Variants in C10orf53 observed in about 807,000 individuals in gnomAD.
C10orf53 encodes the protein UPF0728 protein C10orf53.
In C10orf53, 8 loss-of-function variants were observed where a neutral mutation model predicts 9.4. The ratio of observed to expected loss-of-function variants is 0.85; its 90% CI spans 0.50 to 1.53. C10orf53 has a LOEUF of 1.53. Ranked by LOEUF, C10orf53 falls within the 40% of genes most tolerant of loss-of-function variation. The pLI is 0.00. For missense variants in C10orf53, 117 were observed against 117.8 expected (o/e 0.99, Z 0.03); for synonymous variants, 48 against 46.0 (o/e 1.04, Z -0.18).
At chr10:49,689,771 A>G (rs374949598) in intron 1 of C10orf53, among the ~76,000 whole-genome samples, 9 of 152,340 alleles carry the variant, frequency 5.9e-5, no homozygotes, top group Middle Eastern at 3.4e-3. Flanking sequence ...CCATGGTCTT[A>G]CTGCCACTGA....
At position 49,695,060 on chromosome 10, in the gene C10orf53, A is replaced by G. The variant is rs1378403629; in HGVS notation, c.*458A>G. On this transcript the variant is annotated 3_prime_UTR_variant, in exon 3 of 3. Transcript: ENST00000374111. ...AAGTCTGAACCAAAAGCAAATGTTA[A>G]TATTTGGAAACCTTGCTATTCCTAC... 3.3e-6 allele frequency: 2 copies of G among 600,224 alleles called. No homozygotes were observed. Among genetic ancestry groups the G allele is most frequent in the Non-Finnish European group, 4.2e-6 (2 of 477,954 alleles). 37.2% of individuals were successfully genotyped at this position (600,224 alleles called of 1,614,324 possible). A position where few individuals can be genotyped will look rare whatever the true frequency, so the allele number is the denominator to read the frequency against.
chr10:49,704,730 C>A (rs1271099), intron 2 of C10orf53, among the ~76,000 whole-genome samples: 1 of 151,902 alleles, frequency 6.6e-6, no homozygotes, highest in Non-Finnish European at 1.5e-5. Context: ...GGTGGCAGAG[C>A]GAGACTCTGT....
At chr10:49,687,026 T>C (rs1840535570) in intron 1 of C10orf53, among the ~76,000 whole-genome samples, 1 of 152,250 alleles carries the variant, frequency 6.6e-6, no homozygotes, top group African/African-American at 2.4e-5. Context: ...AAAGCTTTCC[T>C]ACCATTTTAA....
At chr10:49,682,186 A>G (rs1191189084) in intron 1 of C10orf53, among the ~76,000 whole-genome samples, 1 of 152,208 alleles carries the variant, frequency 6.6e-6, no homozygotes, top group Admixed American at 6.5e-5. Context: ...TGGAACCATC[A>G]CTATTCTCTC....
chr10:49,702,381 C>T (rs1840691012), downstream of C10orf53, among the ~76,000 whole-genome samples: 2 of 152,106 alleles, frequency 1.3e-5, no homozygotes, highest in Admixed American at 1.3e-4. Context: ...ATATTTCTGG[C>T]TGAGATTACC....
At chr10:49,706,393 G>A (rs1160302274) in intron 2 of C10orf53, among the ~76,000 whole-genome samples, 1 of 152,168 alleles carries the variant, frequency 6.6e-6, no homozygotes, top group Admixed American at 6.5e-5. Context: ...ATAGAATATT[G>A]TTCCACCATA....
downstream of C10orf53, among the ~76,000 whole-genome samples, chr10:49,702,311 G>A (rs1301406253): frequency 6.6e-6 from 1 of 152,108 alleles, no homozygotes; most frequent in Admixed American, 6.5e-5. Context: ...GTATCCAGTT[G>A]ACTGGGCCAT....
In C10orf53 at chr10:49,696,447, G is replaced by A. The variant is rs1564507341; in HGVS notation, c.*1845G>A. 6.6e-6 allele frequency among the ~76,000 whole-genome samples: 1 copy of A among 152,132 alleles called. No individual in the cohort carries two copies. The highest frequency in any genetic ancestry group is 2.4e-5 in the African/African-American group (1 of 41,416). On this transcript the variant is annotated 3_prime_UTR_variant, in exon 3 of 3. Coordinates refer to ENST00000374111, the MANE Select transcript of C10orf53 (RefSeq NM_001042427.3). The stretch of plus-strand genomic sequence containing the variant: ...TGTCTCCTCTAGCCCTGCAACCCCG[G>A]CATTAAACTGGTAACAAGTGCTTCC...
At chr10:49,708,788 G>A (rs6537550) in exon 3 of C10orf53, 384,293 of 846,330 alleles carry the variant, frequency 0.45, 90,951 homozygotes, top group Middle Eastern at 0.52. Context: ...CAAACCCAAC[G>A]TGATTCTCCC....
chr10:49,700,935 C>G (rs1840677510), downstream of C10orf53, among the ~76,000 whole-genome samples: 1 of 152,108 alleles, frequency 6.6e-6, no homozygotes. Flanking sequence ...CTCTTTTGAG[C>G]AAACTTGGGG....
chr10:49,705,486 T>G (rs1019273807), intron 2 of C10orf53, among the ~76,000 whole-genome samples: 2 of 152,170 alleles, frequency 1.3e-5, no homozygotes, highest in Non-Finnish European at 2.9e-5. Flanking sequence ...ACTGGAAGAC[T>G]GTTTGGATTA....
downstream of C10orf53, among the ~76,000 whole-genome samples, chr10:49,700,364 G>A (rs1010692125): frequency 3.3e-5 from 5 of 152,192 alleles, no homozygotes; most frequent in East Asian, 1.9e-4. Flanking sequence ...TGTAGGTAGC[G>A]GTGGGCATTT....
intron 2 of C10orf53, among the ~76,000 whole-genome samples, chr10:49,704,459 G>A (rs898238675): frequency 6.6e-6 from 1 of 152,164 alleles, no homozygotes; most frequent in African/African-American, 2.4e-5. Context: ...TGAGATACTA[G>A]GCCAGGCGCA....
chr10:49,693,949 C>T, intron 2 of C10orf53, 56 bp downstream of exon 2: 1 of 1,609,044 alleles, frequency 6.2e-7, no homozygotes, highest in Non-Finnish European at 8.5e-7. Context: ...AGGAGTCCCT[C>T]AATTTCTAGT....
chr10:49,690,567 T>TTATAATAAC (rs1391438371), intron 1 of C10orf53, among the ~76,000 whole-genome samples: 1 of 152,224 alleles, frequency 6.6e-6, no homozygotes, highest in African/African-American at 2.4e-5. Flanking sequence ...TATCCATGAA[T>TTATAATAAC]TATAATAACT....
rs2132882936 is a variant in C10orf53 at position 49,693,860 on chromosome 10, A to G, written c.184A>G (p.Ile62Val). 6.2e-7 allele frequency: 1 copy of G among 1,614,272 alleles called. No homozygotes were observed. ...GGAACTCATGGTGAATGAAGAAGTC[A>G]TCTTCCACTGCAACATTAAGGACTT... ...VVELMVNEEV[I>V]FHCNIKDLEF... The change falls in exon 2 of 3, where the codon ATC (isoleucine) becomes GTC (valine). Residue 62 changes from isoleucine (I) to valine (V), a missense_variant. By Grantham distance (29) the Ile-to-Val change is conservative. Coordinates refer to ENST00000374111, the MANE Select transcript of C10orf53 (RefSeq NM_001042427.3).
At chr10:49,699,960 C>T (rs1157560541), downstream of C10orf53, among the ~76,000 whole-genome samples, 2 of 152,004 alleles carry the variant, frequency 1.3e-5, no homozygotes, top group Non-Finnish European at 2.9e-5. Flanking sequence ...ACTTTGCCTG[C>T]ATGGTCACAG....
At chr10:49,689,916 A>G (rs914715060) in intron 1 of C10orf53, among the ~76,000 whole-genome samples, 2 of 152,240 alleles carry the variant, frequency 1.3e-5, no homozygotes, top group African/African-American at 4.8e-5. Context: ...TAGAGATCAA[A>G]AAACATATTT....
chr10:49,700,577 G>A (rs1345061849), downstream of C10orf53, among the ~76,000 whole-genome samples: 1 of 152,202 alleles, frequency 6.6e-6, no homozygotes, highest in Non-Finnish European at 1.5e-5. Flanking sequence ...AGCATGGCCA[G>A]TAAACCATGG....
Sources: gnomAD v4.1 joint callset for allele counts (sites outside exome capture counted in the v4.1 genomes callset) on GRCh38, gnomAD v4.1.1 for gene constraint, MANE v1.5 for transcripts, NCBI Gene and HGNC (gene_info 2026-07-23, HGNC 2026-07-21) for gene names.